ZNF366: variants seen among roughly 807,000 people sequenced by gnomAD.
The protein encoded by ZNF366 is zinc finger protein 366.
Under a neutral mutation model 47.2 loss-of-function variants are expected in ZNF366, and 20 were observed. The ratio of observed to expected loss-of-function variants is 0.42; its 90% CI spans 0.30 to 0.62. ZNF366 has a LOEUF of 0.62. ZNF366 is among the 20% of genes least tolerant of loss of function. The pLI, the probability that ZNF366 is intolerant of heterozygous loss-of-function variation, is 0.16. For synonymous variants in ZNF366, 421 were observed against 395.1 expected, an observed-to-expected ratio of 1.07 and a Z score of -0.78; for missense variants, 987 against 976.3, an observed-to-expected ratio of 1.01 and a Z score of -0.15.
intron 1 of ZNF366, among the ~76,000 whole-genome samples, chr5:72,505,676 T>A (rs1320358165): frequency 6.6e-6 from 1 of 152,218 alleles, no homozygotes; most frequent in Non-Finnish European, 1.5e-5. Flanking sequence ...TCAAGAGAAA[T>A]GAAACTGAAA....
intron 3 of ZNF366, among the ~76,000 whole-genome samples, chr5:72,453,509 C>A (rs1475684335): frequency 6.6e-6 from 1 of 152,236 alleles, no homozygotes; most frequent in Non-Finnish European, 1.5e-5. Flanking sequence ...TCCCCAACAA[C>A]CTTCAACCAA....
rs185402710 is a variant in ZNF366, at chr5:72,472,547, A to G, written c.-14-11037T>C. ...ACTTGCAAAATTAGGCTGACCTTCA[A>G]TTAACTGCATTAAGAAAGCCAGTAA... is the stretch of plus-strand genomic sequence containing the variant. On this transcript the variant is annotated intron_variant, in intron 1 of 4. Coordinates refer to ENST00000318442, the MANE Select transcript of ZNF366 (RefSeq NM_152625.3). 1.9e-5 allele frequency: 19 copies of G among 985,416 alleles called. No homozygotes were observed. The East Asian group carries it at 1.9e-3, about 100-fold the overall frequency. 61.0% of individuals were successfully genotyped at this position (985,416 alleles called of 1,614,324 possible). A position where few individuals can be genotyped will look rare whatever the true frequency, so the allele number is the denominator to read the frequency against.
At position 72,442,437 on chromosome 5, in the gene ZNF366, T is replaced by C. The variant is rs551625077; in HGVS notation, c.*1319A>G. 3.9e-5 allele frequency: 6 copies of C among 152,306 alleles called. No homozygotes were observed. Among genetic ancestry groups the C allele is most frequent in the African/African-American group, 9.6e-5 (4 of 41,572 alleles). 9.4% of individuals were successfully genotyped at this position (152,306 alleles called of 1,614,324 possible). On this transcript the variant is annotated 3_prime_UTR_variant, in exon 5 of 5. Transcript: ENST00000318442. Reference sequence around the variant, plus strand: ...GGTAAGGCCTTGGTTTGGTGGTTTTTTTTTAAAGGTCACCCCAGATGCTTC... The same window carrying C: ...GGTAAGGCCTTGGTTTGGTGGTTTTCTTTTAAAGGTCACCCCAGATGCTTC...
intron 1 of ZNF366, among the ~76,000 whole-genome samples, chr5:72,462,123 C>T (rs1743327160): frequency 6.6e-6 from 1 of 152,164 alleles, no homozygotes; most frequent in Admixed American, 6.5e-5. Flanking sequence ...ATGCTTAACT[C>T]AGATCTAATC....
At chr5:72,505,128 G>A (rs144687410) in intron 1 of ZNF366, among the ~76,000 whole-genome samples, 1 of 152,162 alleles carries the variant, frequency 6.6e-6, no homozygotes, top group East Asian at 1.9e-4. Context: ...AATACTGTGT[G>A]TCTCAAATTC....
rs768768097 is a variant in ZNF366 at position 72,460,479 on chromosome 5, G to A, written c.1018C>T (p.Arg340Cys). ...TAGGCAAAGCCGCGGCCGCACACGC[G>A]GCAGTTGTGCGGCTTCACCTCGCTG... Reference protein sequence around the residue: ...QHSEVKPHNCRVCGRGFAYPS... With the variant: ...QHSEVKPHNCCVCGRGFAYPS... Residue 340 changes from arginine to cysteine, a missense_variant, in exon 2 of 5, where the codon CGC becomes TGC. Physicochemically the swap from Arg to Cys is radical, Grantham distance 180 (BLOSUM62 -3). Transcript: ENST00000318442. The A allele has an allele frequency of 3.7e-6, 6 of 1,613,946 alleles. No individual in the cohort carries two copies. Among genetic ancestry groups the A allele is most frequent in the South Asian group, 1.1e-5 (1 of 91,058 alleles).
chr5:72,452,271 GGAGA>G (rs377599316), intron 3 of ZNF366, among the ~76,000 whole-genome samples: 1 of 152,154 alleles, frequency 6.6e-6, no homozygotes, highest in Non-Finnish European at 1.5e-5. Context: ...AGGGAGGGAG[GGAGA>G]GAGAGACTGT....
chr5:72,464,280 C>T (rs558240415), intron 1 of ZNF366, among the ~76,000 whole-genome samples: 3 of 152,240 alleles, frequency 2.0e-5, no homozygotes, highest in Admixed American at 6.5e-5. Flanking sequence ...CTTTATACAA[C>T]GTGCTGTAGC....
chr5:72,470,661 C>T (rs548403126), intron 1 of ZNF366, among the ~76,000 whole-genome samples: 4 of 152,262 alleles, frequency 2.6e-5, no homozygotes, highest in East Asian at 1.9e-4. Context: ...GACAAATAAC[C>T]GTGTCCTAGG....
intron 1 of ZNF366, among the ~76,000 whole-genome samples, chr5:72,496,961 A>G (rs1333264792): frequency 6.6e-6 from 1 of 152,132 alleles, no homozygotes; most frequent in Non-Finnish European, 1.5e-5. Flanking sequence ...ATTTGTGTCC[A>G]TTTTTAAATT....
At chr5:72,487,842 G>A (rs1743921770) in intron 1 of ZNF366, among the ~76,000 whole-genome samples, 1 of 152,170 alleles carries the variant, frequency 6.6e-6, no homozygotes, top group South Asian at 2.1e-4. Context: ...TTCTACCTGT[G>A]GCAGACTGCT....
chr5:72,488,223 A>G (rs1368726602), intron 1 of ZNF366, among the ~76,000 whole-genome samples: 1 of 151,976 alleles, frequency 6.6e-6, no homozygotes, highest in African/African-American at 2.4e-5. Context: ...AGAAAAAAAA[A>G]AAAAACTTAC....
chr5:72,493,825 G>A (rs1003719175), intron 1 of ZNF366, among the ~76,000 whole-genome samples: 46 of 151,208 alleles, frequency 3.0e-4, no homozygotes, highest in African/African-American at 1.1e-3. Context: ...CATGATCTCA[G>A]CTCACTGCAA....
At chr5:72,476,464 T>C (rs1030723722) in intron 1 of ZNF366, among the ~76,000 whole-genome samples, 1 of 152,114 alleles carries the variant, frequency 6.6e-6, no homozygotes, top group Non-Finnish European at 1.5e-5. Context: ...TGAATGGACA[T>C]GGTGAGTGGG....
At chr5:72,484,499 AAT>A (rs1743854961) in intron 1 of ZNF366, among the ~76,000 whole-genome samples, 5 of 144,486 alleles carry the variant, frequency 3.5e-5, no homozygotes, top group Non-Finnish European at 6.1e-5. Flanking sequence ...AAAAAAAAAT[AAT>A]AATAATAATA....
intron 1 of ZNF366, among the ~76,000 whole-genome samples, chr5:72,504,099 G>A (rs1243519282): frequency 1.3e-5 from 2 of 151,392 alleles, no homozygotes; most frequent in African/African-American, 2.4e-5. Flanking sequence ...GCACACACGC[G>A]TGCATGCACA....
intron 1 of ZNF366, among the ~76,000 whole-genome samples, chr5:72,479,412 T>G (rs1029733001): frequency 6.6e-6 from 1 of 151,108 alleles, no homozygotes; most frequent in African/African-American, 2.4e-5. Context: ...ATTAAAAAAA[T>G]TAAAAAATTA....
chr5:72,505,593 C>A (rs549535541), intron 1 of ZNF366, among the ~76,000 whole-genome samples: 1 of 152,286 alleles, frequency 6.6e-6, no homozygotes, highest in East Asian at 1.9e-4. Flanking sequence ...GCATCTGATG[C>A]TTTTACTCAG....
At chr5:72,491,928 T>C (rs1313007253) in intron 1 of ZNF366, among the ~76,000 whole-genome samples, 1 of 152,216 alleles carries the variant, frequency 6.6e-6, no homozygotes, top group African/African-American at 2.4e-5. Flanking sequence ...AGCTCTACTC[T>C]GTACTGGCCA....
Sources: allele counts gnomAD v4.1 joint callset (sites outside exome capture counted in the v4.1 genomes callset), GRCh38; gene constraint gnomAD v4.1.1; transcripts MANE v1.5; gene names NCBI Gene and HGNC (gene_info 2026-07-23, HGNC 2026-07-21).